The following HSDL2 variants were observed in gnomAD, a reference collection of about 807,000 sequenced individuals.
HSDL2 encodes hydroxysteroid dehydrogenase-like protein 2.
A neutral mutation model predicts 46.3 loss-of-function variants in HSDL2; 27 were observed. That is an observed-to-expected ratio of 0.58 (90% confidence interval 0.43 to 0.80). The LOEUF (loss-of-function observed/expected upper bound fraction) is 0.80. HSDL2 is among the 30% of genes least tolerant of loss of function. The probability of loss-of-function intolerance (pLI) is 0.00; values close to 1 mark genes in which losing one functional copy is unlikely to be tolerated. For synonymous variants in HSDL2, 153 were observed against 163.6 expected (o/e 0.94, Z 0.50); for missense variants, 451 against 502.7 (o/e 0.90, Z 0.98).
intron 9 of HSDL2, among the ~76,000 whole-genome samples, chr9:112,455,074 G>A (rs1304168709): frequency 6.6e-6 from 1 of 151,976 alleles, no homozygotes; most frequent in Non-Finnish European, 1.5e-5. Flanking sequence ...TAATAATAGT[G>A]TAAGAACTAG....
chr9:112,436,354 C>T (rs1234545673), intron 6 of HSDL2, among the ~76,000 whole-genome samples: 1 of 149,718 alleles, frequency 6.7e-6, no homozygotes, highest in Non-Finnish European at 1.5e-5. Context: ...ATTAATTGAA[C>T]ATTAAACAAA....
chr9:112,467,447 G>A (rs997671081), intron 10 of HSDL2, among the ~76,000 whole-genome samples: 4 of 152,120 alleles, frequency 2.6e-5, no homozygotes, highest in African/African-American at 9.7e-5. Context: ...GTTTCATTTT[G>A]GGATGATGAA....
chr9:112,416,991 T>C (rs1283002771), intron 5 of HSDL2, 47 bp downstream of exon 5: 1 of 861,762 alleles, frequency 1.2e-6, no homozygotes, highest in Non-Finnish European at 1.9e-6. Context: ...GCTTAATTTG[T>C]TTTGAATTAA....
At chr9:112,438,978 C>G (rs1194802014) in intron 7 of HSDL2, among the ~76,000 whole-genome samples, 2 of 152,060 alleles carry the variant, frequency 1.3e-5, no homozygotes, top group African/African-American at 4.8e-5. Context: ...TATGTGGTAA[C>G]AGATGGTACA....
At chr9:112,383,803 G>A (rs1390615342) in intron 1 of HSDL2, among the ~76,000 whole-genome samples, 1 of 152,184 alleles carries the variant, frequency 6.6e-6, no homozygotes, top group Non-Finnish European at 1.5e-5. Flanking sequence ...CTGGGGTTAA[G>A]CAGTCCTCCC....
At chr9:112,433,867 CA>C (rs1190447872) in intron 6 of HSDL2, 9 of 152,226 alleles carry the variant, frequency 5.9e-5, no homozygotes, top group Non-Finnish European at 1.2e-4. Context: ...GTGTAACATA[CA>C]TTATCCTCAA....
intron 4 of HSDL2, among the ~76,000 whole-genome samples, chr9:112,414,631 C>T (rs1831952846): frequency 6.6e-6 from 1 of 152,162 alleles, no homozygotes; most frequent in African/African-American, 2.4e-5. Flanking sequence ...ATGAAATGAG[C>T]TCTTTCCTTT....
intron 1 of HSDL2, among the ~76,000 whole-genome samples, chr9:112,387,457 C>T (rs1028174912): frequency 6.6e-6 from 1 of 152,012 alleles, no homozygotes; most frequent in African/African-American, 2.4e-5. Context: ...AGGGCTAAAG[C>T]GTTCTGCCCA....
chr9:112,398,940 G>A (rs949794192), intron 1 of HSDL2, among the ~76,000 whole-genome samples: 1 of 152,124 alleles, frequency 6.6e-6, no homozygotes, highest in Non-Finnish European at 1.5e-5. Flanking sequence ...GTGACCCATA[G>A]TTACCCCGGA....
intron 1 of HSDL2, among the ~76,000 whole-genome samples, chr9:112,390,013 C>A (rs190935220): frequency 2.4e-4 from 37 of 151,180 alleles, no homozygotes; most frequent in Non-Finnish European, 4.6e-4. Flanking sequence ...TGCAGTGAGC[C>A]GAGATCACGC....
intron 1 of HSDL2, 92 bp downstream of exon 1, chr9:112,380,272 C>A: frequency 7.6e-7 from 1 of 1,319,466 alleles, no homozygotes; most frequent in Non-Finnish European, 1.0e-6. Flanking sequence ...CTGGCCGGCC[C>A]GGCTGTGGGA....
At position 112,403,646 on chromosome 9, in the gene HSDL2, CA is replaced by C. The variant is rs572222812; in HGVS notation, c.18-338del. On this transcript the variant is annotated intron_variant, in intron 1 of 10. Transcript: ENST00000398805. ...AAAATTTGCTCATAATCCCACCACT[CA>C]AAAAAAAAAAGCTTTATTAACACGT... 3.0e-3 allele frequency among the ~76,000 whole-genome samples: 404 copies of C among 136,532 alleles called. 1 individual carries two copies. The highest frequency in any genetic ancestry group is 7.1e-3 in the African/African-American group (260 of 36,832). The allele number at this position is 136,532 out of a possible 152,430, so 89.6% of individuals were successfully genotyped here.
At chr9:112,461,531 A>T (rs1413915964) in intron 10 of HSDL2, among the ~76,000 whole-genome samples, 1 of 152,246 alleles carries the variant, frequency 6.6e-6, no homozygotes, top group Non-Finnish European at 1.5e-5. Context: ...TAACATGAAG[A>T]CCATTTAAAA....
At chr9:112,453,056 TTC>T (rs1209281339) in intron 8 of HSDL2, among the ~76,000 whole-genome samples, 3 of 152,134 alleles carry the variant, frequency 2.0e-5, no homozygotes, top group Non-Finnish European at 2.9e-5. Context: ...CTTCTGAGCA[TTC>T]TCTCTTTCTG....
chr9:112,470,319 C>T lies in HSDL2; in HGVS notation c.1145-113C>T, dbSNP rs186109451. On this transcript the variant is annotated intron_variant, in intron 10 of 10. Transcript: ENST00000398805. ...AAATGCTGTAACAGAAATTTCTATG[C>T]TTCTGAGGTTTATAGAACTCAAGGA... The T allele has an allele frequency of 6.0e-4, 342 of 574,314 alleles. 1 individual carries two copies. Among genetic ancestry groups the T allele is most frequent in the Admixed American group, 1.7e-3 (50 of 29,404 alleles). The allele number at this position is 574,314 out of a possible 1,614,324, so 35.6% of individuals were successfully genotyped here.
At chr9:112,461,228 C>T (rs1171833369) in intron 10 of HSDL2, among the ~76,000 whole-genome samples, 1 of 152,100 alleles carries the variant, frequency 6.6e-6, no homozygotes, top group Non-Finnish European at 1.5e-5. Flanking sequence ...CAGGTGCCCG[C>T]CACCATGCCT....
At chr9:112,444,419 TG>T (rs1045871073) in intron 8 of HSDL2, among the ~76,000 whole-genome samples, 15 of 78,292 alleles carry the variant, frequency 1.9e-4, no homozygotes, top group African/African-American at 7.0e-4. Context: ...TTTAAATTGA[TG>T]GGTTTTTTTT....
chr9:112,405,421 A>T (rs988367682), intron 2 of HSDL2, among the ~76,000 whole-genome samples: 1 of 152,008 alleles, frequency 6.6e-6, no homozygotes, highest in African/African-American at 2.4e-5. Flanking sequence ...AGAAACCCCC[A>T]CCAAACCTTC....
intron 1 of HSDL2, among the ~76,000 whole-genome samples, chr9:112,390,064 C>CT (rs1459544431): frequency 6.5e-5 from 3 of 46,308 alleles, no homozygotes; most frequent in African/African-American, 2.8e-4. Flanking sequence ...GACTCTGTCT[C>CT]AAAATAAATA....
Sources: allele counts gnomAD v4.1 joint callset (sites outside exome capture counted in the v4.1 genomes callset), GRCh38; gene constraint gnomAD v4.1.1; transcripts MANE v1.5; gene names NCBI Gene and HGNC (gene_info 2026-07-23, HGNC 2026-07-21).